Variants in TSHR observed in about 807,000 individuals in gnomAD.
TSHR encodes thyroid stimulating hormone receptor.
TSHR carries 51 observed loss-of-function variants against 64.1 expected under a neutral mutation model. The ratio of observed to expected loss-of-function variants is 0.80; its 90% CI spans 0.64 to 1.01. TSHR has a LOEUF of 1.01. TSHR is among the 50% of genes least tolerant of loss of function. TSHR has a pLI of 0.00. For synonymous variants in TSHR, 361 were observed against 361.9 expected (o/e 1.00, Z 0.03); for missense variants, 877 against 942.8 (o/e 0.93, Z 0.91).
At position 81,059,711 on chromosome 14, in the gene TSHR, A is replaced by G. The variant is rs1046499450; in HGVS notation, c.171-2437A>G. On this transcript the variant is annotated intron_variant, in intron 1 of 9. Transcript: ENST00000298171. ...TACTAAGACAGATGCTCTGAGACACATAATCCTTATTGGTCTATATATATT... is the reference window on the plus strand; with the variant it reads ...TACTAAGACAGATGCTCTGAGACACGTAATCCTTATTGGTCTATATATATT... Among the ~76,000 whole-genome samples the G allele has an allele frequency of 7.2e-5, 11 of 152,276 alleles. No individual in the cohort carries two copies. In the East Asian group the frequency reaches 2.1e-3, roughly 29 times the overall value.
chr14:80,972,818 A>G (rs554601324), intron 1 of TSHR, among the ~76,000 whole-genome samples: 2 of 152,304 alleles, frequency 1.3e-5, no homozygotes, highest in South Asian at 2.1e-4. Context: ...CTCCGTCCAC[A>G]TGGGTCTACC....
chr14:81,062,026 T>G, intron 1 of TSHR, 122 bp from the exon 2 acceptor site: 1 of 804,144 alleles, frequency 1.2e-6, no homozygotes, highest in Non-Finnish European at 2.0e-6. Context: ...TTGTTGATTA[T>G]GTATCAGCCA....
chr14:81,042,335 ACT>A (rs774723062), intron 1 of TSHR, among the ~76,000 whole-genome samples: 9 of 152,144 alleles, frequency 5.9e-5, no homozygotes, highest in Non-Finnish European at 1.3e-4. Flanking sequence ...AGATATCTGC[ACT>A]CTCATGTTTA....
At chr14:80,973,772 C>T (rs557208799) in intron 1 of TSHR, among the ~76,000 whole-genome samples, 4 of 152,056 alleles carry the variant, frequency 2.6e-5, no homozygotes, top group East Asian at 3.9e-4. Flanking sequence ...TTTTTAAAAT[C>T]TCCATTAACA....
chr14:81,097,841 T>C (rs10141582), intron 7 of TSHR, among the ~76,000 whole-genome samples: 33,124 of 152,146 alleles, frequency 0.22, 4,853 homozygotes, highest in African/African-American at 0.41. Flanking sequence ...CCAGTCTTTA[T>C]GAAATGAAGA....
chr14:80,970,395 A>G (rs1887532447), intron 1 of TSHR, among the ~76,000 whole-genome samples: 1 of 152,254 alleles, frequency 6.6e-6, no homozygotes, highest in Non-Finnish European at 1.5e-5. Context: ...TTAGTGTCCC[A>G]TTGAAGAGAT....
chr14:80,979,645 C>T (rs1204493674), intron 1 of TSHR, among the ~76,000 whole-genome samples: 1 of 151,932 alleles, frequency 6.6e-6, no homozygotes. Flanking sequence ...AAAATATGTG[C>T]TAATTAAAAA....
chr14:81,086,024 A>G (rs1888261490), intron 3 of TSHR, among the ~76,000 whole-genome samples: 1 of 152,242 alleles, frequency 6.6e-6, no homozygotes, highest in South Asian at 2.1e-4. Flanking sequence ...AAGATTGTAT[A>G]AAGAGGATCT....
At chr14:81,015,396 G>A (rs1330756595) in intron 1 of TSHR, among the ~76,000 whole-genome samples, 1 of 152,106 alleles carries the variant, frequency 6.6e-6, no homozygotes, top group Non-Finnish European at 1.5e-5. Context: ...TAATTTTCAA[G>A]ACGGGCAAGA....
chr14:81,126,333 C>T (rs1025123721), intron 8 of TSHR, among the ~76,000 whole-genome samples: 1 of 152,088 alleles, frequency 6.6e-6, no homozygotes, highest in Non-Finnish European at 1.5e-5. Context: ...CTATCATCCC[C>T]GAAAGATTTT....
chr14:81,109,588 C>A (rs1890135494), intron 8 of TSHR, among the ~76,000 whole-genome samples: 1 of 152,144 alleles, frequency 6.6e-6, no homozygotes, highest in Admixed American at 6.5e-5. Flanking sequence ...TAGCCACTGT[C>A]CCTCAGGTGT....
intron 1 of TSHR, among the ~76,000 whole-genome samples, chr14:80,965,541 T>C (rs1887256102): frequency 6.6e-6 from 1 of 152,200 alleles, no homozygotes; most frequent in Non-Finnish European, 1.5e-5. Context: ...GCCTCCTACA[T>C]GATGGTAAAT....
At chr14:81,108,208 C>T in intron 7 of TSHR, 167 bp from the exon 8 acceptor site, 2 of 624,518 alleles carry the variant, frequency 3.2e-6, no homozygotes, top group Admixed American at 5.7e-5. Context: ...CAATTGAAAC[C>T]TAGAATGTTT....
At chr14:81,117,567 T>C (rs1166756386) in intron 8 of TSHR, among the ~76,000 whole-genome samples, 1 of 140,220 alleles carries the variant, frequency 7.1e-6, no homozygotes, top group Non-Finnish European at 1.5e-5. Context: ...AGAGTCCAGA[T>C]GGATTCACAG....
chr14:81,104,168 T>C, intron 7 of TSHR: 1 of 985,450 alleles, frequency 1.0e-6, no homozygotes, highest in South Asian at 4.7e-5. Context: ...AGGTTACTAT[T>C]TACAAACAGC....
chr14:80,981,334 TA>T (rs754328619), intron 1 of TSHR, among the ~76,000 whole-genome samples: 136 of 152,270 alleles, frequency 8.9e-4, no homozygotes, highest in Non-Finnish European at 1.5e-3. Context: ...AAGGTTTTTT[TA>T]AAAATAGAAT....
intron 6 of TSHR, chr14:81,095,682 G>T (rs1257362755): frequency 6.6e-6 from 1 of 152,154 alleles, no homozygotes; most frequent in East Asian, 1.9e-4. Flanking sequence ...GGAAATAGAA[G>T]TAATAACATT....
intron 1 of TSHR, chr14:80,992,323 C>G (rs541680762): frequency 6.8e-6 from 1 of 146,234 alleles, no homozygotes; most frequent in African/African-American, 2.6e-5. Context: ...TCCCTTGAAC[C>G]CAGGAGGCAG....
At chr14:81,001,270 C>G (rs2268465) in intron 1 of TSHR, 25,086 of 208,118 alleles carry the variant, frequency 0.12, 1,951 homozygotes, top group East Asian at 0.37. Context: ...ACAAAAGAAA[C>G]TTACTGAATC....
Sources: gnomAD v4.1 joint callset for allele counts (sites outside exome capture counted in the v4.1 genomes callset) on GRCh38, gnomAD v4.1.1 for gene constraint, MANE v1.5 for transcripts, NCBI Gene and HGNC (gene_info 2026-07-23, HGNC 2026-07-21) for gene names.